Variants in DOCK10 observed in about 807,000 individuals in gnomAD.
The protein encoded by DOCK10 is dedicator of cytokinesis 10.
DOCK10 carries 145 observed loss-of-function variants against 280.1 expected under a neutral mutation model. The observed-to-expected ratio is 0.52, with a 90% CI of 0.45 to 0.59. The LOEUF (loss-of-function observed/expected upper bound fraction) is 0.59. Among genes scored for constraint, DOCK10 ranks in the 20% least tolerant of loss-of-function variants. The probability of loss-of-function intolerance (pLI) is 0.00; values close to 1 mark genes in which losing one functional copy is unlikely to be tolerated. For missense variants in DOCK10, 2,368 were observed against 2,651.7 expected (o/e 0.89, Z 2.35); for synonymous variants, 915 against 942.2 (o/e 0.97, Z 0.53).
At position 224,816,350 on chromosome 2, in the gene DOCK10, C is replaced by T. The variant is rs563419241; in HGVS notation, c.3364+267G>A. ...TTCAAATTATTTGATTAACAATCAT[C>T]GGGTTTATAATTTTGTTGGCCTTCT... On this transcript the variant is annotated intron_variant, in intron 30 of 55. Coordinates refer to ENST00000258390, the MANE Select transcript of DOCK10 (RefSeq NM_014689.3). 3.5e-4 allele frequency among the ~76,000 whole-genome samples: 53 copies of T among 151,774 alleles called. 1 individual carries two copies. Among genetic ancestry groups the T allele is most frequent in the African/African-American group, 1.2e-3 (50 of 41,454 alleles).
rs1209080352 is a variant in DOCK10 at position 224,814,425 on chromosome 2, A to G, written c.3365-61T>C. 6 of 906,062 alleles carry G rather than the reference A, an allele frequency of 6.6e-6. No individual in the cohort carries two copies. In the South Asian group the frequency reaches 9.1e-5, roughly 14 times the overall value. The allele number at this position is 906,062 out of a possible 1,614,324, so 56.1% of individuals were successfully genotyped here. A position where few individuals can be genotyped will look rare whatever the true frequency, so the allele number is the denominator to read the frequency against. On this transcript the variant is annotated intron_variant, in intron 30 of 55. Transcript: ENST00000258390. ...CATATACATACTCAGATACATATGT[A>G]TTCATTATGTGTAGTTTATACTGAA... is the stretch of plus-strand genomic sequence containing the variant.
chr2:224,799,182 A>C (rs1289828144), intron 41 of DOCK10, among the ~76,000 whole-genome samples: 1 of 152,118 alleles, frequency 6.6e-6, no homozygotes, highest in Non-Finnish European at 1.5e-5. Context: ...TCCTTCCTCC[A>C]CATCCCTAGG....
intron 1 of DOCK10, among the ~76,000 whole-genome samples, chr2:224,948,749 A>G (rs1263810295): frequency 1.3e-5 from 2 of 152,252 alleles, no homozygotes; most frequent in Non-Finnish European, 2.9e-5. Flanking sequence ...AAGAGTCACA[A>G]ACTTCTGAAA....
At chr2:224,844,160 C>T (rs930892236) in intron 22 of DOCK10, among the ~76,000 whole-genome samples, 6 of 152,126 alleles carry the variant, frequency 3.9e-5, no homozygotes, top group Admixed American at 6.5e-5. Context: ...GATGCAGTTT[C>T]GCTTTTGTTG....
intron 1 of DOCK10, among the ~76,000 whole-genome samples, chr2:225,000,487 T>G (rs1289024599): frequency 6.6e-6 from 1 of 152,228 alleles, no homozygotes; most frequent in Non-Finnish European, 1.5e-5. Context: ...GAGCATTTCC[T>G]GTTCGTAATT....
At chr2:224,983,704 G>A in intron 1 of DOCK10, 1 of 467,592 alleles carries the variant, frequency 2.1e-6, no homozygotes, top group Non-Finnish European at 4.4e-6. Flanking sequence ...CGTTTTAATT[G>A]GTATGTTCAC....
intron 42 of DOCK10, 95 bp from the exon 43 acceptor site, chr2:224,797,241 TCC>T: frequency 1.2e-6 from 1 of 858,958 alleles, no homozygotes. Flanking sequence ...AAAATCCCTC[TCC>T]TTTTTTTTTT....
chr2:224,801,290 A>AAAC (rs897055973), intron 40 of DOCK10, among the ~76,000 whole-genome samples: 1 of 151,388 alleles, frequency 6.6e-6, no homozygotes, highest in African/African-American at 2.4e-5. Context: ...GGCAAAAAAA[A>AAAC]AAAAAAAAAA....
chr2:224,834,287 T>C (rs746684920), intron 25 of DOCK10, 24 bp from the exon 26 acceptor site: 3 of 1,274,472 alleles, frequency 2.4e-6, no homozygotes, highest in South Asian at 2.4e-5. Context: ...AAAAAGTGAA[T>C]AAAGTTAAAT....
At chr2:224,960,218 G>A (rs958101187) in intron 1 of DOCK10, among the ~76,000 whole-genome samples, 1 of 152,090 alleles carries the variant, frequency 6.6e-6, no homozygotes, top group Non-Finnish European at 1.5e-5. Context: ...CTGGGCTCCT[G>A]CTCCCGCCGT....
At chr2:224,947,049 T>C (rs1703461026) in intron 1 of DOCK10, 3 of 1,413,892 alleles carry the variant, frequency 2.1e-6, no homozygotes, top group Non-Finnish European at 2.8e-6. Flanking sequence ...ATCTTTCTTC[T>C]TGGTAAAAAG....
chr2:224,874,504 G>A (rs1698502924), intron 9 of DOCK10, among the ~76,000 whole-genome samples, 155 bp from the exon 10 acceptor site: 1 of 152,092 alleles, frequency 6.6e-6, no homozygotes, highest in Non-Finnish European at 1.5e-5. Context: ...TTTCCTTTTT[G>A]AGCCCTATGT....
chr2:224,903,609 T>G (rs548613971), intron 3 of DOCK10, among the ~76,000 whole-genome samples: 2 of 152,338 alleles, frequency 1.3e-5, no homozygotes, highest in Admixed American at 1.3e-4. Flanking sequence ...TGGATGGTAC[T>G]AAAACACCTT....
intron 14 of DOCK10, among the ~76,000 whole-genome samples, chr2:224,858,847 T>C (rs896499442): frequency 8.5e-5 from 13 of 152,292 alleles, no homozygotes; most frequent in Middle Eastern, 3.4e-3. Flanking sequence ...GGCCCAGCCA[T>C]TCGAAAACCC....
chr2:224,960,483 T>C (rs982498573), intron 1 of DOCK10, among the ~76,000 whole-genome samples: 7 of 152,154 alleles, frequency 4.6e-5, no homozygotes, highest in Non-Finnish European at 8.8e-5. Context: ...TGATGAGAGA[T>C]TTGCATCAGA....
At chr2:224,957,447 C>T (rs1397443701) in intron 1 of DOCK10, among the ~76,000 whole-genome samples, 1 of 151,996 alleles carries the variant, frequency 6.6e-6, no homozygotes, top group Non-Finnish European at 1.5e-5. Flanking sequence ...TGTATCATCA[C>T]ACCTTTTTTC....
chr2:225,020,074 C>T (rs1689745748), intron 1 of DOCK10, among the ~76,000 whole-genome samples: 1 of 152,114 alleles, frequency 6.6e-6, no homozygotes, highest in Non-Finnish European at 1.5e-5. Flanking sequence ...GAACACTTTC[C>T]TCTATGAGTT....
intron 51 of DOCK10, among the ~76,000 whole-genome samples, chr2:224,775,790 C>T (rs1690811015): frequency 6.6e-6 from 1 of 152,162 alleles, no homozygotes; most frequent in African/African-American, 2.4e-5. Context: ...ATGCAAGCTT[C>T]TTGAGAGTAA....
At chr2:224,902,522 C>G (rs1700356670) in intron 3 of DOCK10, among the ~76,000 whole-genome samples, 1 of 152,088 alleles carries the variant, frequency 6.6e-6, no homozygotes, top group African/African-American at 2.4e-5. Context: ...TGAGTTTAGG[C>G]AAATTATGCA....
Sources: allele counts gnomAD v4.1 joint callset (sites outside exome capture counted in the v4.1 genomes callset), GRCh38; gene constraint gnomAD v4.1.1; transcripts MANE v1.5; gene names NCBI Gene and HGNC (gene_info 2026-07-23, HGNC 2026-07-21).